GOLGA6A: variants seen among roughly 807,000 people sequenced by gnomAD.
The protein encoded by GOLGA6A is golgin subfamily A member 6A.
In GOLGA6A, 1 loss-of-function variant was observed where a neutral mutation model predicts 53.6. That is an observed-to-expected ratio of 0.02 (90% CI 0.01 to 0.09). GOLGA6A has a LOEUF of 0.09. Among genes scored for constraint, GOLGA6A ranks in the 10% least tolerant of loss-of-function variants. The probability of loss-of-function intolerance (pLI) is 1.00; values close to 1 mark genes in which losing one functional copy is unlikely to be tolerated. For synonymous variants in GOLGA6A, 6 were observed against 201.8 expected (o/e 0.03, Z 8.22); for missense variants, 23 against 509.4 (o/e 0.05, Z 9.19).
At chr15:74,078,135 AAGGACAGAC>A (rs2071988217) in intron 3 of GOLGA6A, among the ~76,000 whole-genome samples, 2 of 141,850 alleles carry the variant, frequency 1.4e-5, no homozygotes. Context: ...TAGGATGGAA[AAGGACAGAC>A]AGGAGCCCTT....
In GOLGA6A at chr15:74,072,827, C is replaced by G. The variant is rs769856652; in HGVS notation, c.1426-10G>C. The G allele has an allele frequency of 6.2e-7, 1 of 1,611,378 alleles. No individual in the cohort carries two copies. The highest frequency in any genetic ancestry group is 8.5e-7 in the Non-Finnish European group (1 of 1,179,748). Reference sequence around the variant, plus strand: ...CAGCTTCTAGGTGCTCCTAAGGGGACGGGAAACAGAGTGAGAAGGCACGGA... The same window carrying G: ...CAGCTTCTAGGTGCTCCTAAGGGGAGGGGAAACAGAGTGAGAAGGCACGGA... On this transcript the variant is annotated splice_polypyrimidine_tract_variant and intron_variant, in intron 12 of 17. Coordinates refer to ENST00000290438, the MANE Select transcript of GOLGA6A (RefSeq NM_001038640.2).
rs1389344254 is a variant in GOLGA6A at position 74,075,982 on chromosome 15, A to T, written c.568T>A (p.Ser190Thr). 6.2e-7 allele frequency: 1 copy of T among 1,601,548 alleles called. No individual in the cohort carries two copies. Among genetic ancestry groups the T allele is most frequent in the Non-Finnish European group, 8.5e-7 (1 of 1,173,150 alleles). Residue 190 changes from serine to threonine, a missense_variant, in exon 8 of 18, where the codon TCG (serine) becomes ACG (threonine). Physicochemically the swap from Ser to Thr is moderately conservative, Grantham distance 58. Coordinates refer to ENST00000290438, the MANE Select transcript of GOLGA6A (RefSeq NM_001038640.2). ...STQQQEEDRS[S>T]SCREAVLQRW... ...TGGAGGACCGCTTCTCTGCAGCTCG[A>T]GGACTGGATGGTGAAGAGTGAGAAG...
In GOLGA6A at chr15:74,075,977, G is replaced by A. The variant is rs1263915648; in HGVS notation, c.573C>T (p.Ser191=). The change falls in exon 8 of 18, where the codon AGC becomes AGT. Residue 191 remains serine (S), a synonymous_variant. Coordinates refer to ENST00000290438, the MANE Select transcript of GOLGA6A (RefSeq NM_001038640.2). ...ACCGCTGGAGGACCGCTTCTCTGCA[G>A]CTCGAGGACTGGATGGTGAAGAGTG... ...TQQQEEDRSS[S]CREAVLQRWL... 1.2e-6 allele frequency: 2 copies of A among 1,600,854 alleles called. No individual in the cohort carries two copies. Among genetic ancestry groups the A allele is most frequent in the Non-Finnish European group, 1.7e-6 (2 of 1,173,028 alleles).
intron 7 of GOLGA6A, among the ~76,000 whole-genome samples, chr15:74,076,637 C>CACACAA (rs2071980967): frequency 6.7e-6 from 1 of 149,016 alleles, no homozygotes. Context: ...CACACACACA[C>CACACAA]ACACACACAC....
chr15:74,071,870 G>A (rs1315579963), intron 14 of GOLGA6A, among the ~76,000 whole-genome samples: 1 of 152,312 alleles, frequency 6.6e-6, no homozygotes, highest in Admixed American at 6.5e-5. Flanking sequence ...AGATGAGCCA[G>A]GTGCAGGCAG....
In GOLGA6A at chr15:74,075,992, G is replaced by T. The variant is rs1157681661; in HGVS notation, c.565-7C>A. ...CTTCTCTGCAGCTCGAGGACTGGAT[G>T]GTGAAGAGTGAGAAGTTTTGATCTG... On this transcript the variant is annotated splice_region_variant and splice_polypyrimidine_tract_variant and intron_variant, in intron 7 of 17. Coordinates refer to ENST00000290438, the MANE Select transcript of GOLGA6A (RefSeq NM_001038640.2). The T allele has an allele frequency of 6.2e-7, 1 of 1,605,570 alleles. No homozygotes were observed. The highest frequency in any genetic ancestry group is 1.3e-5 in the African/African-American group (1 of 74,088).
chr15:74,080,369 AAAC>A (rs2141916437), intron 2 of GOLGA6A, among the ~76,000 whole-genome samples: 1 of 152,414 alleles, frequency 6.6e-6, no homozygotes, highest in Admixed American at 6.5e-5. Context: ...GTTAACATGA[AAAC>A]AACAACAATA....
rs113579971 is a variant in GOLGA6A at position 74,075,908 on chromosome 15, G to A, written c.642C>T (p.His214=). The change falls in exon 8 of 18, where the codon CAC becomes CAT. Residue 214 remains histidine (H), a synonymous_variant. Transcript: ENST00000290438. ...TIKERALLNA[H]VTQVTESLKQ... is the part of the protein sequence containing the mutation. ...CTCTGCAAAGCCTCACCTGTGTCAC[G>A]TGTGCGTTCAGCAGCGCCCGCTCCT... 159 of 1,595,502 alleles carry A rather than the reference G, an allele frequency of 1.0e-4. 2 individuals are homozygous for A. The highest frequency in any genetic ancestry group is 3.6e-4 in the Middle Eastern group (2 of 5,624).
chr15:74,074,948 G>A lies in GOLGA6A; in HGVS notation c.901C>T (p.Gln301Ter), dbSNP rs1332047528. 1.9e-6 allele frequency: 3 copies of A among 1,576,582 alleles called. No homozygotes were observed. Among genetic ancestry groups the A allele is most frequent in the Admixed American group, 1.7e-5 (1 of 57,918 alleles). Reference sequence around the variant, plus strand: ...TGCCTCAGGTGTTTGGCCTCATCTTGTAGCTGTTCCACCACAGAGGTCACT... The same window carrying A: ...TGCCTCAGGTGTTTGGCCTCATCTTATAGCTGTTCCACCACAGAGGTCACT... The part of the protein sequence containing the change: ...PAVTSVVEQL[Q>*]DEAKHLRQEV... The change falls in exon 11 of 18, where the codon CAA (glutamine) becomes TAA (stop). Residue 301 changes from glutamine (Q) to a stop codon, truncating the protein, a stop_gained. Transcript: ENST00000290438. LOFTEE classifies it high-confidence loss of function.
chr15:74,071,946 A>G (rs879285737), intron 14 of GOLGA6A, among the ~76,000 whole-genome samples: 556 of 147,566 alleles, frequency 3.8e-3, no homozygotes, highest in African/African-American at 0.014. Context: ...TGGCTCCAGC[A>G]GAGGTGAAAA....
intron 7 of GOLGA6A, among the ~76,000 whole-genome samples, chr15:74,076,366 T>C: frequency 7.7e-6 from 1 of 129,824 alleles, no homozygotes; most frequent in East Asian, 2.2e-4. Context: ...GGTTAAGTGC[T>C]TGCCTAAGAT....
At chr15:74,072,045 G>A (rs1358324261) in intron 14 of GOLGA6A, among the ~76,000 whole-genome samples, 173 bp downstream of exon 14, 1 of 152,346 alleles carries the variant, frequency 6.6e-6, no homozygotes, top group African/African-American at 2.4e-5. Context: ...CCCTTCCCTT[G>A]GGGCCTCAGA....
At chr15:74,072,192 A>AG (rs764594044) in intron 14 of GOLGA6A, 26 bp downstream of exon 14, 1 of 1,590,754 alleles carries the variant, frequency 6.3e-7, no homozygotes, top group South Asian at 1.1e-5. Flanking sequence ...AAGGTGGCAA[A>AG]GCGGGGCAGG....
Position 74,075,695 on chromosome 15 carries a change from T to G in GOLGA6A, c.747A>C (p.Lys249Asn), listed in dbSNP as rs1416565086. ...ERARWQERMWKMSVEARTLKE... is the reference protein window; with the variant it reads ...ERARWQERMWNMSVEARTLKE... Reference sequence around the variant, plus strand: ...GGTCAGACCTCACCTCCACCGACATTTTCCACATCCTCTCCTGCCACCGGG... The same window carrying G: ...GGTCAGACCTCACCTCCACCGACATGTTCCACATCCTCTCCTGCCACCGGG... The change falls in exon 9 of 18, where the codon AAA becomes AAC. Residue 249 changes from lysine to asparagine, a missense_variant. Transcript: ENST00000290438. The G allele has an allele frequency of 2.1e-6, 2 of 930,468 alleles. No homozygotes were observed. The highest frequency in any genetic ancestry group is 4.9e-5 in the Admixed American group (2 of 40,512). 57.6% of individuals were successfully genotyped at this position (930,468 alleles called of 1,614,324 possible).
intron 1 of GOLGA6A, among the ~76,000 whole-genome samples, 172 bp from the exon 2 acceptor site, chr15:74,080,907 T>TA (rs201001731): frequency 0.14 from 11,793 of 87,348 alleles, 100 homozygotes; most frequent in African/African-American, 0.26. Context: ...ATATTATGGC[T>TA]AAAAAAAAAA....
intron 7 of GOLGA6A, among the ~76,000 whole-genome samples, chr15:74,076,301 G>A (rs1453178104): frequency 2.1e-5 from 3 of 140,430 alleles, no homozygotes; most frequent in Non-Finnish European, 3.0e-5. Flanking sequence ...ACCACCATAT[G>A]AGACGGTTAC....
At position 74,076,661 on chromosome 15, in the gene GOLGA6A, C is replaced by CACA. The variant is rs59721284; in HGVS notation, c.564+356_564+357insTGT. ...ACACACACACACACACACACACACA[C>CACA]CCCTTTCCTCTCTCTACAGAAATGG... On this transcript the variant is annotated intron_variant, in intron 7 of 17. Coordinates refer to ENST00000290438, the MANE Select transcript of GOLGA6A (RefSeq NM_001038640.2). Among the ~76,000 whole-genome samples, 5 of 143,514 alleles carry CACA rather than the reference C, an allele frequency of 3.5e-5. No homozygotes were observed. The East Asian group carries it at 6.2e-4, about 18-fold the overall frequency. 94.2% of individuals were successfully genotyped at this position (143,514 alleles called of 152,430 possible).
In GOLGA6A at chr15:74,071,161, TG is replaced by T; in HGVS notation, c.1916del (p.Pro639GlnfsTer18). The T allele has an allele frequency of 1.5e-6, 2 of 1,338,740 alleles. No homozygotes were observed. Among genetic ancestry groups the T allele is most frequent in the Non-Finnish European group, 2.1e-6 (2 of 975,152 alleles). 82.9% of individuals were successfully genotyped at this position (1,338,740 alleles called of 1,614,324 possible). On this transcript the variant is annotated frameshift_variant, in exon 17 of 18. Transcript: ENST00000290438. LOFTEE classifies it low-confidence loss of function (END_TRUNC). ...CGGCAGCCCCAAGTTCCTGGGGGGC[TG>T]GGGCCCCTGGAGTGGGCTCATCAGC... Reference protein sequence around the residue: ...NPADEPTPGAPAPQELGAAGE... With the variant: ...NPADEPTPGAXAPQELGAAGE...
At chr15:74,072,420 G>C in intron 13 of GOLGA6A, 111 bp from the exon 14 acceptor site, 1 of 1,191,254 alleles carries the variant, frequency 8.4e-7, no homozygotes, top group South Asian at 1.3e-5. Flanking sequence ...TCTCCCCAGA[G>C]GGGAGTGAGC....
Sources: allele counts gnomAD v4.1 joint callset (sites outside exome capture counted in the v4.1 genomes callset), GRCh38; gene constraint gnomAD v4.1.1; transcripts MANE v1.5; gene names NCBI Gene and HGNC (gene_info 2026-07-23, HGNC 2026-07-21).